RMND1: variants seen among roughly 807,000 people sequenced by gnomAD.
RMND1 encodes the protein required for meiotic nuclear division protein 1 homolog.
A neutral mutation model predicts 54.0 loss-of-function variants in RMND1; 41 were observed. The observed-to-expected ratio is 0.76, with a 90% CI of 0.59 to 0.98. The LOEUF is 0.98. Ranked by LOEUF, RMND1 falls within the 50% of genes least tolerant of loss-of-function variation. The pLI, the probability that RMND1 is intolerant of heterozygous loss-of-function variation, is 0.00. For synonymous variants in RMND1, 183 were observed against 181.7 expected, an observed-to-expected ratio of 1.01 and a Z score of -0.06; for missense variants, 457 against 532.0, an observed-to-expected ratio of 0.86 and a Z score of 1.39.
Position 151,445,499 on chromosome 6 carries a change from T to A in RMND1, c.313A>T (p.Arg105Trp). ...LPTMKSFGTH[R>W]RVTHKPNLLG... Reference sequence around the variant, plus strand: ...AGATTTGGTTTGTGGGTCACTCTCCTGTGAGTACCAAAGGATTTCATGGTT... The same window carrying A: ...AGATTTGGTTTGTGGGTCACTCTCCAGTGAGTACCAAAGGATTTCATGGTT... The change falls in exon 2 of 12, where the codon AGG (arginine) becomes TGG (tryptophan). Residue 105 changes from arginine to tryptophan, a missense_variant. Coordinates refer to ENST00000444024, the MANE Select transcript of RMND1 (RefSeq NM_017909.4). The A allele has an allele frequency of 6.2e-7, 1 of 1,614,250 alleles. No individual in the cohort carries two copies. The highest frequency in any genetic ancestry group is 8.5e-7 in the Non-Finnish European group (1 of 1,180,038).
At chr6:151,416,630 G>C (rs1780015673) in intron 10 of RMND1, 1 of 152,100 alleles carries the variant, frequency 6.6e-6, no homozygotes, top group South Asian at 2.1e-4. Flanking sequence ...CGCCATGTTG[G>C]CCAGGCTGGT....
intron 6 of RMND1, among the ~76,000 whole-genome samples, chr6:151,424,837 T>C (rs1780250218): frequency 6.6e-6 from 1 of 151,860 alleles, no homozygotes; most frequent in South Asian, 2.1e-4. Flanking sequence ...ACAAAAGATG[T>C]CAGACAAGAA....
chr6:151,438,184 A>G (rs771180505), intron 2 of RMND1, among the ~76,000 whole-genome samples: 1 of 152,206 alleles, frequency 6.6e-6, no homozygotes, highest in Non-Finnish European at 1.5e-5. Context: ...TGGAGTTAAA[A>G]CTAGCTGATG....
chr6:151,427,863 G>A (rs1003738216), intron 5 of RMND1, among the ~76,000 whole-genome samples: 4 of 152,096 alleles, frequency 2.6e-5, no homozygotes, highest in African/African-American at 9.7e-5. Context: ...ATTATAATTT[G>A]TATTCTTTAA....
At chr6:151,421,214 G>A (rs750436266) in intron 9 of RMND1, 31 bp downstream of exon 9, 14 of 1,440,496 alleles carry the variant, frequency 9.7e-6, no homozygotes, top group Non-Finnish European at 1.2e-5. Context: ...TTAAATATAT[G>A]AAATATTTTA....
At chr6:151,450,462 C>T (rs1781123282) in intron 1 of RMND1, among the ~76,000 whole-genome samples, 3 of 115,494 alleles carry the variant, frequency 2.6e-5, no homozygotes, top group Non-Finnish European at 1.9e-5. Context: ...GGGGGGCCAG[C>T]CCCCGTCCGG....
Position 151,405,023 on chromosome 6 carries a change from C to T in RMND1, c.*212G>A. On this transcript the variant is annotated 3_prime_UTR_variant, in exon 12 of 12. Coordinates refer to ENST00000444024, the MANE Select transcript of RMND1 (RefSeq NM_017909.4). ...AGCTGAGATGACGGGCGTGTGCCAA[C>T]ACACCTGGCTAATTTTGGTATTTTT... 1 of 488,972 alleles carries T rather than the reference C, an allele frequency of 2.0e-6. No individual in the cohort carries two copies. Among genetic ancestry groups the T allele is most frequent in the Non-Finnish European group, 3.6e-6 (1 of 275,794 alleles). 30.3% of individuals were successfully genotyped at this position (488,972 alleles called of 1,614,324 possible).
intron 2 of RMND1, among the ~76,000 whole-genome samples, chr6:151,438,847 C>G (rs559107588): frequency 3.3e-5 from 5 of 151,384 alleles, no homozygotes; most frequent in African/African-American, 4.9e-5. Flanking sequence ...GGCCCAATGA[C>G]TCACGTCTGT....
chr6:151,421,227 T>G lies in RMND1; in HGVS notation c.1079+18A>C. ...TGTTAAATATATGAAATATTTTATTTAGAGAGAAAACTTTTACCTTAGAGC... is the reference window on the plus strand; with the variant it reads ...TGTTAAATATATGAAATATTTTATTGAGAGAGAAAACTTTTACCTTAGAGC... On this transcript the variant is annotated intron_variant, in intron 9 of 11. Transcript: ENST00000444024. 2.0e-6 allele frequency: 3 copies of G among 1,529,550 alleles called. No individual in the cohort carries two copies. The highest frequency in any genetic ancestry group is 1.8e-6 in the Non-Finnish European group (2 of 1,112,420). 94.7% of individuals were successfully genotyped at this position (1,529,550 alleles called of 1,614,324 possible).
chr6:151,432,489 T>C (rs1780477252), intron 4 of RMND1, among the ~76,000 whole-genome samples: 1 of 151,770 alleles, frequency 6.6e-6, no homozygotes, highest in African/African-American at 2.4e-5. Flanking sequence ...GGTCCATGTG[T>C]TTCTGTTCTG....
chr6:151,405,376 G>A (rs1452294859), intron 11 of RMND1, 109 bp from the exon 12 acceptor site: 13 of 1,079,154 alleles, frequency 1.2e-5, no homozygotes, highest in Non-Finnish European at 1.1e-5. Context: ...TAAGGTAAAT[G>A]TTTGCCCTTT....
At chr6:151,414,382 T>C (rs1227740591) in intron 10 of RMND1, among the ~76,000 whole-genome samples, 1 of 152,154 alleles carries the variant, frequency 6.6e-6, no homozygotes, top group Non-Finnish European at 1.5e-5. Flanking sequence ...ACCTTGTATA[T>C]CAAGCCAGAA....
chr6:151,410,057 A>AT (rs35691230), intron 10 of RMND1, among the ~76,000 whole-genome samples: 48,802 of 140,364 alleles, frequency 0.35, 8,586 homozygotes, highest in East Asian at 0.54. Flanking sequence ...TCTTTGTTCC[A>AT]TTTTTTTTTT....
chr6:151,409,318 TAGAG>T (rs1779731433), intron 10 of RMND1, among the ~76,000 whole-genome samples: 1 of 152,166 alleles, frequency 6.6e-6, no homozygotes, highest in Non-Finnish European at 1.5e-5. Flanking sequence ...CCATGATACT[TAGAG>T]GGAACTAAAA....
intron 9 of RMND1, among the ~76,000 whole-genome samples, chr6:151,419,557 C>A (rs1392642057): frequency 6.6e-6 from 1 of 151,184 alleles, no homozygotes; most frequent in Admixed American, 6.6e-5. Context: ...TCCTGTGGTC[C>A]CAGCTACCCA....
intron 1 of RMND1, among the ~76,000 whole-genome samples, chr6:151,447,219 T>A (rs1780980390): frequency 2.0e-5 from 3 of 152,194 alleles, no homozygotes; most frequent in African/African-American, 7.2e-5. Context: ...AAAGAGCCGA[T>A]GGCCAGATCA....
Position 151,445,349 on chromosome 6 carries a change from G to C in RMND1, c.463C>G (p.Gln155Glu). 1 of 1,613,624 alleles carries C rather than the reference G, an allele frequency of 6.2e-7. No individual in the cohort carries two copies. Among genetic ancestry groups the C allele is most frequent in the Non-Finnish European group, 8.5e-7 (1 of 1,179,738 alleles). The change falls in exon 2 of 12, where the codon CAG becomes GAG. Residue 155 changes from glutamine (Q) to glutamate (E), a missense_variant. Gln to Glu is a conservative substitution (Grantham distance 29). Coordinates refer to ENST00000444024, the MANE Select transcript of RMND1 (RefSeq NM_017909.4). ...ACTGGAAGGTTGGTCCTGGATGGCT[G>C]TCTGGTCCTGGATGCTTTTAGTGGT... Reference protein sequence around the residue: ...KRPLKASRTRQPSRTNLPVLS... With the variant: ...KRPLKASRTREPSRTNLPVLS...
rs555578829 is a variant in RMND1 at position 151,435,258 on chromosome 6, G to A, written c.613+1188C>T. Among the ~76,000 whole-genome samples the A allele has an allele frequency of 2.0e-5, 3 of 152,076 alleles. 1 individual carries two copies. The South Asian group carries it at 6.2e-4, about 32-fold the overall frequency. On this transcript the variant is annotated intron_variant, in intron 3 of 11. Transcript: ENST00000444024. The stretch of plus-strand genomic sequence containing the variant: ...CCCTCCAGGTTCAAGCAATTCTTGT[G>A]TCTCAGTCTCCCAAGTAGCTGGGAC...
Position 151,445,914 on chromosome 6 carries a change from TA to T in RMND1, c.-14-90del. 6 of 1,234,686 alleles carry T rather than the reference TA, an allele frequency of 4.9e-6. No homozygotes were observed. The South Asian group carries it at 1.0e-4, about 21-fold the overall frequency. The allele number at this position is 1,234,686 out of a possible 1,614,324, so 76.5% of individuals were successfully genotyped here. Reference sequence around the variant, plus strand: ...CCCTAGGTAGCAGGCATATTTCTGTTAGAAAAATTTGTAAAACAGATACATT... The same window carrying T: ...CCCTAGGTAGCAGGCATATTTCTGTTGAAAAATTTGTAAAACAGATACATT... On this transcript the variant is annotated intron_variant, in intron 1 of 11. Coordinates refer to ENST00000444024, the MANE Select transcript of RMND1 (RefSeq NM_017909.4).
Sources: gnomAD v4.1 joint callset for allele counts (sites outside exome capture counted in the v4.1 genomes callset) on GRCh38, gnomAD v4.1.1 for gene constraint, MANE v1.5 for transcripts, NCBI Gene and HGNC (gene_info 2026-07-23, HGNC 2026-07-21) for gene names.